EYS: variants seen among roughly 807,000 people sequenced by gnomAD.
EYS encodes the protein EGF-like photoreceptor maintenance factor, also known as protein eyes shut homolog.
A neutral mutation model predicts 282.1 loss-of-function variants in EYS; 250 were observed. The ratio of observed to expected loss-of-function variants is 0.89; its 90% CI spans 0.80 to 0.98. The LOEUF (loss-of-function observed/expected upper bound fraction) is 0.98. EYS is among the 50% of genes least tolerant of loss of function. EYS has a pLI of 0.00. For synonymous variants in EYS, 1,355 were observed against 1,282.9 expected (o/e 1.06, Z -1.20); for missense variants, 4,016 against 3,709.0 (o/e 1.08, Z -2.15).
At chr6:64,979,442 GA>G (rs890745486) in intron 14 of EYS, among the ~76,000 whole-genome samples, 60 of 151,550 alleles carry the variant, frequency 4.0e-4, no homozygotes, top group African/African-American at 1.4e-3. Flanking sequence ...CCTCCCGTGG[GA>G]AAAAAAGAGG....
At chr6:65,681,220 T>C (rs948699584) in intron 1 of EYS, among the ~76,000 whole-genome samples, 2 of 151,848 alleles carry the variant, frequency 1.3e-5, no homozygotes, top group Admixed American at 1.3e-4. Context: ...GTGATCATTT[T>C]AACCTTCAGC....
intron 36 of EYS, among the ~76,000 whole-genome samples, chr6:63,852,503 C>G (rs1772285017): frequency 6.6e-6 from 1 of 151,898 alleles, no homozygotes; most frequent in South Asian, 2.1e-4. Flanking sequence ...GCCTACCAAC[C>G]AAAAAAAGCC....
intron 13 of EYS, among the ~76,000 whole-genome samples, chr6:65,019,033 G>A (rs1772155516): frequency 6.6e-6 from 1 of 152,020 alleles, no homozygotes; most frequent in African/African-American, 2.4e-5. Flanking sequence ...CAGAATAAGT[G>A]GCATAAATGT....
At chr6:64,049,827 G>C (rs887395856) in intron 33 of EYS, among the ~76,000 whole-genome samples, 1 of 152,164 alleles carries the variant, frequency 6.6e-6, no homozygotes, top group Admixed American at 6.6e-5. Flanking sequence ...TCTGAAGACA[G>C]ATAGAAATGA....
intron 33 of EYS, among the ~76,000 whole-genome samples, chr6:64,004,663 C>G (rs1768258978): frequency 6.6e-6 from 1 of 152,080 alleles, no homozygotes; most frequent in South Asian, 2.1e-4. Flanking sequence ...TTTGTGTTCC[C>G]TTTGAGCTAA....
intron 31 of EYS, among the ~76,000 whole-genome samples, chr6:64,179,152 A>G (rs1764718096): frequency 6.6e-6 from 1 of 152,074 alleles, no homozygotes; most frequent in Non-Finnish European, 1.5e-5. Flanking sequence ...TGTATGTCCA[A>G]ATAGTTTCAG....
At chr6:65,461,905 T>C (rs1248545082) in intron 5 of EYS, among the ~76,000 whole-genome samples, 1 of 152,128 alleles carries the variant, frequency 6.6e-6, no homozygotes, top group African/African-American at 2.4e-5. Context: ...AATTAAACTA[T>C]ACTTTCATAT....
chr6:63,981,278 T>C (rs9344632), intron 35 of EYS, among the ~76,000 whole-genome samples: 40,826 of 151,686 alleles, frequency 0.27, 6,187 homozygotes, highest in Middle Eastern at 0.35. Flanking sequence ...AGCATTCTTA[T>C]TCTGATAATC....
intron 35 of EYS, among the ~76,000 whole-genome samples, chr6:63,922,888 C>CA (rs1280788651): frequency 6.6e-6 from 1 of 152,152 alleles, no homozygotes; most frequent in African/African-American, 2.4e-5. Context: ...GATTGGGAGC[C>CA]AGCTGACCTC....
intron 13 of EYS, among the ~76,000 whole-genome samples, chr6:65,000,530 G>A (rs944997727): frequency 1.3e-5 from 2 of 152,148 alleles, no homozygotes; most frequent in South Asian, 2.1e-4. Context: ...CCAGCACTTC[G>A]GGAGGCCGAG....
intron 15 of EYS, among the ~76,000 whole-genome samples, chr6:64,933,256 T>C (rs2150088293): frequency 6.6e-6 from 1 of 150,712 alleles, no homozygotes; most frequent in South Asian, 2.1e-4. Context: ...ATTTCCAGAG[T>C]TGGAAATTAT....
chr6:64,245,625 T>C (rs1397020226), intron 30 of EYS, among the ~76,000 whole-genome samples: 1 of 152,190 alleles, frequency 6.6e-6, no homozygotes, highest in East Asian at 1.9e-4. Flanking sequence ...ACTTCCTTCT[T>C]TGTTCAGCTG....
intron 35 of EYS, among the ~76,000 whole-genome samples, chr6:63,926,748 A>G (rs1764727686): frequency 6.6e-6 from 1 of 152,208 alleles, no homozygotes; most frequent in Admixed American, 6.5e-5. Flanking sequence ...ACTTCTGCTT[A>G]TAATGCTTCC....
intron 11 of EYS, chr6:65,329,304 T>G (rs1390015075): frequency 1.2e-6 from 1 of 819,192 alleles, no homozygotes; most frequent in Non-Finnish European, 1.5e-6. Flanking sequence ...TTTAATGAAG[T>G]TTGTTATAAT....
intron 12 of EYS, among the ~76,000 whole-genome samples, chr6:65,128,643 A>G (rs1775784351): frequency 6.6e-6 from 1 of 152,004 alleles, no homozygotes; most frequent in Non-Finnish European, 1.5e-5. Flanking sequence ...TTCAAGGAGA[A>G]CTACAAAATA....
chr6:65,615,910 G>A (rs1407613721), intron 2 of EYS, among the ~76,000 whole-genome samples: 1 of 150,330 alleles, frequency 6.7e-6, no homozygotes, highest in Non-Finnish European at 1.5e-5. Flanking sequence ...CTCCAGCCTG[G>A]GCGAGAGAGC....
At chr6:64,112,400 G>A (rs1474478726) in intron 31 of EYS, among the ~76,000 whole-genome samples, 1 of 151,682 alleles carries the variant, frequency 6.6e-6, no homozygotes, top group East Asian at 1.9e-4. Context: ...TTGTATATAT[G>A]TATTTTTTAT....
intron 9 of EYS, among the ~76,000 whole-genome samples, chr6:65,348,324 T>A (rs1770477367): frequency 6.6e-6 from 1 of 151,836 alleles, no homozygotes; most frequent in East Asian, 1.9e-4. Context: ...TTCTCCACAG[T>A]GATTGTACTA....
In EYS at chr6:64,201,689, A is replaced by T. The variant is rs192900229; in HGVS notation, c.6424+28903T>A. 2.2e-3 allele frequency among the ~76,000 whole-genome samples: 336 copies of T among 152,308 alleles called. 1 individual carries two copies. The highest frequency in any genetic ancestry group is 7.3e-3 in the African/African-American group (304 of 41,574). On this transcript the variant is annotated intron_variant, in intron 31 of 42. Coordinates refer to ENST00000503581, the MANE Select transcript of EYS (RefSeq NM_001142800.2). ...TGCTTCATGGAACAAAAAATTGTGAAACTACAGAGAATCCAAAAGGTTTTT... is the reference window on the plus strand; with the variant it reads ...TGCTTCATGGAACAAAAAATTGTGATACTACAGAGAATCCAAAAGGTTTTT...
Sources: gnomAD v4.1 joint callset for allele counts (sites outside exome capture counted in the v4.1 genomes callset) on GRCh38, gnomAD v4.1.1 for gene constraint, MANE v1.5 for transcripts, NCBI Gene and HGNC (gene_info 2026-07-23, HGNC 2026-07-21) for gene names.